The following SLC24A2 variants were observed in gnomAD, a reference collection of about 807,000 sequenced individuals.
SLC24A2 encodes solute carrier family 24 member 2.
A neutral mutation model predicts 62.0 loss-of-function variants in SLC24A2; 36 were observed. The observed-to-expected ratio is 0.58, with a 90% CI of 0.44 to 0.77. The LOEUF (loss-of-function observed/expected upper bound fraction) is 0.77. SLC24A2 is among the 30% of genes least tolerant of loss of function. SLC24A2 has a pLI of 0.00. For synonymous variants in SLC24A2, 358 were observed against 294.0 expected, an observed-to-expected ratio of 1.22 and a Z score of -2.23; for missense variants, 846 against 817.9, an observed-to-expected ratio of 1.03 and a Z score of -0.42.
At chr9:20,106,077 C>A in the SLC24A2 span, among the ~76,000 whole-genome samples, 1 of 152,326 alleles carries the variant, frequency 6.6e-6, no homozygotes, top group Non-Finnish European at 1.5e-5. Context: ...CACCTCTACG[C>A]AAATGAACTA....
the SLC24A2 span, among the ~76,000 whole-genome samples, chr9:19,852,631 G>A: frequency 6.6e-6 from 1 of 152,108 alleles, no homozygotes; most frequent in Admixed American, 6.5e-5. Flanking sequence ...GATGATTGTA[G>A]ATGTGTGGTC....
the SLC24A2 span, among the ~76,000 whole-genome samples, chr9:20,139,622 T>C: frequency 7.2e-5 from 11 of 152,326 alleles, no homozygotes; most frequent in African/African-American, 2.4e-4. Context: ...ATGTGCAAGA[T>C]GCTGTGCTGT....
At chr9:19,869,506 G>A in the SLC24A2 span, among the ~76,000 whole-genome samples, 1 of 151,928 alleles carries the variant, frequency 6.6e-6, no homozygotes, top group Non-Finnish European at 1.5e-5. Flanking sequence ...ACTTTTACAG[G>A]TTGCATAAAT....
intron 2 of SLC24A2, among the ~76,000 whole-genome samples, chr9:19,712,776 C>T (rs1368146125): frequency 6.6e-6 from 1 of 152,136 alleles, no homozygotes; most frequent in African/African-American, 2.4e-5. Context: ...AACTTCAGTG[C>T]TAGTGACATT....
chr9:20,239,006 C>G, the SLC24A2 span, among the ~76,000 whole-genome samples: 1 of 152,180 alleles, frequency 6.6e-6, no homozygotes, highest in Non-Finnish European at 1.5e-5. Flanking sequence ...GAAGAGAGCT[C>G]TCACCAGAAA....
the SLC24A2 span, among the ~76,000 whole-genome samples, chr9:20,206,864 T>TA: frequency 0.079 from 7,306 of 92,438 alleles, 562 homozygotes; most frequent in African/African-American, 0.23. Context: ...ATAACCCTCA[T>TA]AAAAAAAAAA....
the SLC24A2 span, among the ~76,000 whole-genome samples, chr9:20,098,570 T>A: frequency 3.3e-5 from 5 of 152,208 alleles, no homozygotes; most frequent in Admixed American, 3.3e-4. Flanking sequence ...AAACTCAGCA[T>A]TAGGCCTAAG....
the SLC24A2 span, among the ~76,000 whole-genome samples, chr9:20,133,606 TAAGATA>T: frequency 3.9e-5 from 6 of 152,188 alleles, no homozygotes; most frequent in South Asian, 6.2e-4. Context: ...CAAGAAAGAT[TAAGATA>T]ATTATTCTAA....
At chr9:20,285,833 A>C in the SLC24A2 span, among the ~76,000 whole-genome samples, 1 of 152,192 alleles carries the variant, frequency 6.6e-6, no homozygotes, top group Non-Finnish European at 1.5e-5. Flanking sequence ...GACACCAAGG[A>C]AGGGCATGCA....
the SLC24A2 span, among the ~76,000 whole-genome samples, chr9:19,847,833 A>C: frequency 5.3e-5 from 8 of 152,266 alleles, no homozygotes; most frequent in African/African-American, 1.9e-4. Context: ...CAGACCAGTA[A>C]ACATTGACCC....
the SLC24A2 span, among the ~76,000 whole-genome samples, chr9:19,850,966 TG>T: frequency 1.5e-4 from 3 of 19,996 alleles, no homozygotes; most frequent in Non-Finnish European, 3.9e-4. Context: ...TATATATATA[TG>T]TATATATATA....
chr9:19,584,542 C>A (rs1836307847), intron 5 of SLC24A2, among the ~76,000 whole-genome samples: 2 of 152,094 alleles, frequency 1.3e-5, no homozygotes. Context: ...AGAAACAAAT[C>A]CTCTTTTATT....
the SLC24A2 span, among the ~76,000 whole-genome samples, chr9:19,839,331 G>T: frequency 1.1e-3 from 170 of 152,310 alleles, 1 homozygote; most frequent in Middle Eastern, 3.4e-3. Flanking sequence ...AAGTCAGTGT[G>T]TCCATTTCCT....
intron 2 of SLC24A2, among the ~76,000 whole-genome samples, chr9:19,754,363 C>T (rs549134534): frequency 2.6e-5 from 4 of 152,158 alleles, no homozygotes; most frequent in Non-Finnish European, 5.9e-5. Context: ...GACAGCCTGG[C>T]CAGCCCTATT....
chr9:20,064,646 G>A, the SLC24A2 span, among the ~76,000 whole-genome samples: 1 of 152,162 alleles, frequency 6.6e-6, no homozygotes, highest in African/African-American at 2.4e-5. Flanking sequence ...ATGTAAACAG[G>A]ATCACAACTG....
At chr9:20,275,446 C>G in the SLC24A2 span, among the ~76,000 whole-genome samples, 1 of 152,174 alleles carries the variant, frequency 6.6e-6, no homozygotes, top group African/African-American at 2.4e-5. Flanking sequence ...AATGTTTAGG[C>G]TTTAGAAATA....
the SLC24A2 span, among the ~76,000 whole-genome samples, chr9:20,099,197 G>T: frequency 2.0e-5 from 3 of 152,182 alleles, no homozygotes; most frequent in Admixed American, 2.0e-4. Flanking sequence ...GCTTTTGAAA[G>T]AAATGGTTGA....
chr9:20,274,366 T>C, the SLC24A2 span, among the ~76,000 whole-genome samples: 1 of 152,176 alleles, frequency 6.6e-6, no homozygotes, highest in Non-Finnish European at 1.5e-5. Flanking sequence ...TTAGCTCGCA[T>C]GAAGGACTTT....
the SLC24A2 span, among the ~76,000 whole-genome samples, chr9:19,874,909 C>G: frequency 1.3e-5 from 2 of 149,814 alleles, no homozygotes; most frequent in Non-Finnish European, 3.0e-5. Flanking sequence ...TTTATTTATT[C>G]TCCTCAATTT....
Sources: allele counts gnomAD v4.1 joint callset (sites outside exome capture counted in the v4.1 genomes callset), GRCh38; gene constraint gnomAD v4.1.1; transcripts MANE v1.5; gene names NCBI Gene and HGNC (gene_info 2026-07-23, HGNC 2026-07-21).